Variants in SYT17 observed in about 807,000 individuals in gnomAD.
SYT17 encodes synaptotagmin-17.
In SYT17, 22 loss-of-function variants were observed where a neutral mutation model predicts 46.7. The ratio of observed to expected loss-of-function variants is 0.47; its 90% CI spans 0.34 to 0.67. SYT17 has a LOEUF of 0.67. Among genes scored for constraint, SYT17 ranks in the 30% least tolerant of loss-of-function variants. SYT17 has a pLI of 0.01. For missense variants in SYT17, 519 were observed against 612.8 expected, an observed-to-expected ratio of 0.85 and a Z score of 1.62; for synonymous variants, 251 against 248.4, an observed-to-expected ratio of 1.01 and a Z score of -0.10.
At chr16:19,185,867 A>G (rs1011173106) in intron 5 of SYT17, among the ~76,000 whole-genome samples, 49 of 152,310 alleles carry the variant, frequency 3.2e-4, no homozygotes, top group African/African-American at 1.1e-3. Context: ...GTGAGCCTGT[A>G]ATGTGTCGCC....
chr16:19,255,793 C>T (rs1423176686), intron 7 of SYT17, among the ~76,000 whole-genome samples: 16 of 152,162 alleles, frequency 1.1e-4, no homozygotes, highest in Non-Finnish European at 2.1e-4. Context: ...TTAAATAATT[C>T]GTTCTAAGCC....
intron 7 of SYT17, among the ~76,000 whole-genome samples, chr16:19,260,530 G>GAAA (rs1968903240): frequency 8.3e-6 from 1 of 120,618 alleles, no homozygotes; most frequent in Non-Finnish European, 1.8e-5. Context: ...AAAAAAAAAG[G>GAAA]AAAGAAAAAA....
At chr16:19,199,817 CTT>C (rs1965393153) in intron 5 of SYT17, among the ~76,000 whole-genome samples, 1 of 152,180 alleles carries the variant, frequency 6.6e-6, no homozygotes, top group Admixed American at 6.6e-5. Flanking sequence ...AGAAAAACGT[CTT>C]TACATTTCAA....
chr16:19,230,788 C>T (rs1187007803), intron 7 of SYT17, among the ~76,000 whole-genome samples: 1 of 152,184 alleles, frequency 6.6e-6, no homozygotes, highest in Non-Finnish European at 1.5e-5. Flanking sequence ...TCAGCTTCCT[C>T]ACCTGTAAAA....
At chr16:19,250,483 A>G (rs1473959993) in intron 7 of SYT17, among the ~76,000 whole-genome samples, 16 of 151,688 alleles carry the variant, frequency 1.1e-4, no homozygotes, top group African/African-American at 3.9e-4. Flanking sequence ...TCGACCTCCC[A>G]GACTTAAGCA....
At chr16:19,170,303 C>T (rs1294500575) in intron 1 of SYT17, 2 of 151,668 alleles carry the variant, frequency 1.3e-5, no homozygotes, top group African/African-American at 4.8e-5. Flanking sequence ...AAGAGGCATT[C>T]ATCTTTTTTT....
chr16:19,267,246 G>T lies in SYT17; in HGVS notation c.*170G>T. ...CAAATCCTCTCAGAACTGAGAGGAA[G>T]CTGACTATTGATCACAAAATGGCCG... On this transcript the variant is annotated 3_prime_UTR_variant, in exon 8 of 8. Coordinates refer to ENST00000355377, the MANE Select transcript of SYT17 (RefSeq NM_016524.4). 1 of 596,494 alleles carries T rather than the reference G, an allele frequency of 1.7e-6. No homozygotes were observed. The highest frequency in any genetic ancestry group is 3.1e-5 in the East Asian group (1 of 32,718). The allele number at this position is 596,494 out of a possible 1,614,324, so 37.0% of individuals were successfully genotyped here.
intron 5 of SYT17, among the ~76,000 whole-genome samples, chr16:19,194,590 G>A (rs958847738): frequency 3.3e-5 from 5 of 152,102 alleles, no homozygotes; most frequent in Admixed American, 2.6e-4. Context: ...TTTCGTGTTG[G>A]TATCTTTATT....
chr16:19,212,313 A>G (rs1358575040), intron 5 of SYT17, among the ~76,000 whole-genome samples: 1 of 152,126 alleles, frequency 6.6e-6, no homozygotes, highest in East Asian at 1.9e-4. Context: ...ATTTTGAGAG[A>G]TGGAGGGTTT....
intron 7 of SYT17, among the ~76,000 whole-genome samples, chr16:19,242,452 G>A (rs935150671): frequency 4.6e-5 from 7 of 152,216 alleles, no homozygotes; most frequent in African/African-American, 1.7e-4. Flanking sequence ...ATCTCATGGA[G>A]TGAATTAGGC....
intron 7 of SYT17, chr16:19,250,140 T>C: frequency 7.1e-7 from 1 of 1,414,736 alleles, no homozygotes; most frequent in East Asian, 2.6e-5. Context: ...TATTTAAAAA[T>C]TTTTTAACAT....
At position 19,219,444 on chromosome 16, in the gene SYT17, A is replaced by AAATAATAATAAT. The variant is rs767001468; in HGVS notation, c.952-3589_952-3578dup. On this transcript the variant is annotated intron_variant, in intron 5 of 7. Coordinates refer to ENST00000355377, the MANE Select transcript of SYT17 (RefSeq NM_016524.4). ...AAAAAAAAAAAAAAAAAAAAAAAAA[A>AAATAATAATAAT]AATAATAATAATAATAATAATAAAA... is the stretch of plus-strand genomic sequence containing the variant. Among the ~76,000 whole-genome samples, 4 of 121,954 alleles carry AAATAATAATAAT rather than the reference A, an allele frequency of 3.3e-5. 1 individual carries two copies. The highest frequency in any genetic ancestry group is 7.6e-5 in the Non-Finnish European group (4 of 52,940). 80.0% of individuals were successfully genotyped at this position (121,954 alleles called of 152,430 possible).
In SYT17 at chr16:19,217,385, C is replaced by T. The variant is rs1248491849; in HGVS notation, c.952-5660C>T. On this transcript the variant is annotated intron_variant, in intron 5 of 7. Coordinates refer to ENST00000355377, the MANE Select transcript of SYT17 (RefSeq NM_016524.4). ...AAACAGTCACTCCATATTTCCCCCA[C>T]CTCCCAGATCCTAGCAATCACTCAT... 3.3e-5 allele frequency among the ~76,000 whole-genome samples: 5 copies of T among 152,230 alleles called. No homozygotes were observed. In the East Asian group the frequency reaches 9.7e-4, roughly 29 times the overall value.
chr16:19,224,852 C>T lies in SYT17; in HGVS notation c.1228+14C>T. 1 of 1,613,536 alleles carries T rather than the reference C, an allele frequency of 6.2e-7. No homozygotes were observed. The highest frequency in any genetic ancestry group is 8.5e-7 in the Non-Finnish European group (1 of 1,179,660). On this transcript the variant is annotated intron_variant, in intron 7 of 7. Coordinates refer to ENST00000355377, the MANE Select transcript of SYT17 (RefSeq NM_016524.4). Reference sequence around the variant, plus strand: ...TAGTGTTTACAGGTAGGTAGCATTCCAAAACCCGATGAACTCCAGGTGAGG... The same window carrying T: ...TAGTGTTTACAGGTAGGTAGCATTCTAAAACCCGATGAACTCCAGGTGAGG...
At chr16:19,218,325 A>C (rs928134179) in intron 5 of SYT17, among the ~76,000 whole-genome samples, 1 of 152,110 alleles carries the variant, frequency 6.6e-6, no homozygotes, top group Non-Finnish European at 1.5e-5. Context: ...TGCTCCCCTG[A>C]CTCCAGACAA....
intron 5 of SYT17, among the ~76,000 whole-genome samples, chr16:19,218,311 C>T (rs1966172745): frequency 6.6e-6 from 1 of 152,240 alleles, no homozygotes; most frequent in African/African-American, 2.4e-5. Flanking sequence ...TACTTTCTAT[C>T]AACTGCTCCC....
chr16:19,248,024 A>G (rs1967709837), intron 7 of SYT17, among the ~76,000 whole-genome samples: 2 of 152,236 alleles, frequency 1.3e-5, no homozygotes, highest in South Asian at 2.1e-4. Context: ...TTGTAACTCA[A>G]TAAGACAGTC....
chr16:19,243,846 A>T, intron 7 of SYT17, among the ~76,000 whole-genome samples: 2 of 132,412 alleles, frequency 1.5e-5, no homozygotes, highest in African/African-American at 2.7e-5. Context: ...AAAAAAAAAA[A>T]GATATGCCCT....
intron 5 of SYT17, among the ~76,000 whole-genome samples, chr16:19,204,191 C>A (rs527982164): frequency 6.6e-6 from 1 of 151,988 alleles, no homozygotes; most frequent in Admixed American, 6.6e-5. Context: ...CTGGCCCCAC[C>A]CATTAGATGC....
Sources: allele counts gnomAD v4.1 joint callset (sites outside exome capture counted in the v4.1 genomes callset), GRCh38; gene constraint gnomAD v4.1.1; transcripts MANE v1.5; gene names NCBI Gene and HGNC (gene_info 2026-07-23, HGNC 2026-07-21).